The following SORL1 variants were observed in gnomAD, a reference collection of about 807,000 sequenced individuals.
SORL1 encodes the protein sortilin related receptor 1.
Under a neutral mutation model 273.7 loss-of-function variants are expected in SORL1, and 127 were observed. The ratio of observed to expected loss-of-function variants is 0.46; its 90% CI spans 0.40 to 0.54. The LOEUF (loss-of-function observed/expected upper bound fraction) is 0.54, where lower values mean the gene tolerates loss of function less well. SORL1 is among the 20% of genes least tolerant of loss of function. The pLI is 0.00. For missense variants in SORL1, 2,494 were observed against 2,846.1 expected, an observed-to-expected ratio of 0.88 and a Z score of 2.81; for synonymous variants, 1,031 against 1,067.4, an observed-to-expected ratio of 0.97 and a Z score of 0.66.
Position 121,490,954 on chromosome 11 carries a change from AG to A in SORL1, c.758+846del, listed in dbSNP as rs906542925. 5.0e-4 allele frequency among the ~76,000 whole-genome samples: 76 copies of A among 152,182 alleles called. 1 individual carries two copies. Among genetic ancestry groups the A allele is most frequent in the Non-Finnish European group, 1.0e-4 (7 of 68,020 alleles). Reference sequence around the variant, plus strand: ...AGACATAGTATGAGAAGCTAGAGAGAGGATTTATCCTTCCAGATGGGAGGAT... The same window carrying A: ...AGACATAGTATGAGAAGCTAGAGAGAGATTTATCCTTCCAGATGGGAGGAT... On this transcript the variant is annotated intron_variant, in intron 5 of 47. Coordinates refer to ENST00000260197, the MANE Select transcript of SORL1 (RefSeq NM_003105.6).
chr11:121,582,204 A>G (rs939636951), intron 25 of SORL1, among the ~76,000 whole-genome samples: 10 of 152,242 alleles, frequency 6.6e-5, no homozygotes, highest in Admixed American at 6.5e-4. Flanking sequence ...ATTTCTGACC[A>G]TTGCAAAAAA....
intron 6 of SORL1, among the ~76,000 whole-genome samples, chr11:121,509,114 ATTTTTTT>A (rs558402196): frequency 1.4e-5 from 2 of 139,974 alleles, no homozygotes; most frequent in African/African-American, 5.3e-5. Flanking sequence ...TTCATTTATG[ATTTTTTT>A]TTTTTTTTTG....
Position 121,627,557 on chromosome 11 carries a change from G to A in SORL1, c.6367G>A (p.Ala2123Thr). The A allele has an allele frequency of 6.2e-7, 1 of 1,613,954 alleles. No individual in the cohort carries two copies. Among genetic ancestry groups the A allele is most frequent in the Non-Finnish European group, 8.5e-7 (1 of 1,179,888 alleles). The change falls in exon 47 of 48, where the codon GCA becomes ACA. Residue 2123 changes from alanine to threonine, a missense_variant and splice_region_variant. This residue lies in a region of SORL1 where 1,609 missense variants were observed against 1,816.4 expected (regional missense o/e 0.89). Coordinates refer to ENST00000260197, the MANE Select transcript of SORL1 (RefSeq NM_003105.6). The surrounding 1 kb of genome is among the most constrained non-coding windows in gnomAD (Gnocchi z 4.9). ...TGGTGGGAACTTTGCCTTGGCAGGTGCAGATGCATCTGCAACGCAGGCTGC... is the reference window on the plus strand; with the variant it reads ...TGGTGGGAACTTTGCCTTGGCAGGTACAGATGCATCTGCAACGCAGGCTGC... Reference protein sequence around the residue: ...ILLYDELGSGADASATQAARS... With the variant: ...ILLYDELGSGTDASATQAARS...
rs1862498476 is a variant in SORL1 at position 121,550,822 on chromosome 11, G to A, written c.2266+152G>A. ...CACAGGGCTTCCTCTTTTCCCTAAG[G>A]TTGGTTTCCACACTGAACTTGTACA... On this transcript the variant is annotated intron_variant, in intron 16 of 47. Transcript: ENST00000260197. This position sits in a 1 kb window ranked among gnomAD's most constrained non-coding sequence, Gnocchi z 5.3. 3 of 638,230 alleles carry A rather than the reference G, an allele frequency of 4.7e-6. No homozygotes were observed. Among genetic ancestry groups the A allele is most frequent in the South Asian group, 2.0e-5 (1 of 50,206 alleles). 39.5% of individuals were successfully genotyped at this position (638,230 alleles called of 1,614,324 possible). A position where few individuals can be genotyped will look rare whatever the true frequency, so the allele number is the denominator to read the frequency against.
intron 12 of SORL1, among the ~76,000 whole-genome samples, chr11:121,540,800 C>A (rs1405298838): frequency 2.6e-5 from 4 of 152,194 alleles, no homozygotes; most frequent in Non-Finnish European, 5.9e-5. Flanking sequence ...TGGGAACTCT[C>A]AAGAAATGGG....
At chr11:121,574,032 G>A (rs1478223234) in intron 23 of SORL1, among the ~76,000 whole-genome samples, 1 of 152,172 alleles carries the variant, frequency 6.6e-6, no homozygotes, top group Non-Finnish European at 1.5e-5. Context: ...TCTGGAAGCT[G>A]TCCACAGAAA....
At chr11:121,476,220 C>G (rs993037364) in intron 2 of SORL1, among the ~76,000 whole-genome samples, 2 of 152,138 alleles carry the variant, frequency 1.3e-5, no homozygotes, top group Non-Finnish European at 2.9e-5. Context: ...CATTCTTGGC[C>G]GGCAGAATAG....
At chr11:121,516,454 C>T (rs1164690432) in intron 8 of SORL1, among the ~76,000 whole-genome samples, 1 of 151,930 alleles carries the variant, frequency 6.6e-6, no homozygotes, top group Non-Finnish European at 1.5e-5. Context: ...GGGGCAGGGG[C>T]AATATTGGGG....
chr11:121,585,896 CTA>C (rs1863097124), intron 26 of SORL1, among the ~76,000 whole-genome samples: 1 of 152,128 alleles, frequency 6.6e-6, no homozygotes, highest in Admixed American at 6.5e-5. Flanking sequence ...TGTTTTCAAT[CTA>C]TTACACAGTT....
At chr11:121,548,296 GC>G (rs1217656704) in intron 14 of SORL1, among the ~76,000 whole-genome samples, 1 of 152,172 alleles carries the variant, frequency 6.6e-6, no homozygotes, top group African/African-American at 2.4e-5. Flanking sequence ...AAAGAAAGCT[GC>G]CCAGGAAGAG....
chr11:121,622,529 C>CA (rs1223450879), intron 45 of SORL1, among the ~76,000 whole-genome samples: 1 of 152,210 alleles, frequency 6.6e-6, no homozygotes, highest in African/African-American at 2.4e-5. Flanking sequence ...TGAAGAAAGA[C>CA]AAATGGGCTG....
At chr11:121,466,247 G>T (rs1861080510) in intron 1 of SORL1, among the ~76,000 whole-genome samples, 1 of 152,122 alleles carries the variant, frequency 6.6e-6, no homozygotes, top group Non-Finnish European at 1.5e-5. Flanking sequence ...GCACGTCAAG[G>T]TTATGTTCCT....
chr11:121,604,154 C>A (rs1260056721), intron 32 of SORL1, 39 bp from the exon 33 acceptor site: 1 of 1,610,206 alleles, frequency 6.2e-7, no homozygotes, highest in South Asian at 1.1e-5. Context: ...TACCATACGG[C>A]CCCTCCCCGT....
At position 121,612,808 on chromosome 11, in the gene SORL1, C is replaced by T. The variant is rs759988544; in HGVS notation, c.5395C>T (p.Arg1799Ter). The T allele has an allele frequency of 8.1e-6, 13 of 1,613,546 alleles. No homozygotes were observed. Among genetic ancestry groups the T allele is most frequent in the Admixed American group, 1.7e-5 (1 of 59,990 alleles). The stretch of plus-strand genomic sequence containing the variant: ...GCAAGAGAGGAGAACTTTGAACTTC[C>T]GAGGAAGCATATTGTCACACAAAGG... ...HKQERRTLNFRGSILSHKVGN... is the reference protein window; with the variant it reads ...HKQERRTLNF Residue 1799 changes from arginine (R) to a stop codon, truncating the protein, a stop_gained, in exon 40 of 48, where the codon CGA becomes TGA. Coordinates refer to ENST00000260197, the MANE Select transcript of SORL1 (RefSeq NM_003105.6). LOFTEE classifies it high-confidence loss of function.
intron 45 of SORL1, among the ~76,000 whole-genome samples, chr11:121,622,789 T>C (rs1863741774): frequency 6.6e-6 from 1 of 152,240 alleles, no homozygotes; most frequent in African/African-American, 2.4e-5. Context: ...GGTAGGCCAA[T>C]ATGGTATTCA....
At position 121,488,043 on chromosome 11, in the gene SORL1, A is replaced by C. The variant is rs1247012763; in HGVS notation, c.540A>C (p.Ala180=). The C allele has an allele frequency of 1.2e-6, 2 of 1,613,990 alleles. No individual in the cohort carries two copies. Among genetic ancestry groups the C allele is most frequent in the African/African-American group, 2.7e-5 (2 of 74,902 alleles). ...SPADNKRYIF[A]DAYAQYLWIT... ...GTTTTCCCTTGCAGTACATCTTTGC[A>C]GACGCTTATGCCCAGTACCTCTGGA... is the stretch of plus-strand genomic sequence containing the variant. Residue 180 remains alanine, a synonymous_variant, in exon 4 of 48, where the codon GCA becomes GCC. Coordinates refer to ENST00000260197, the MANE Select transcript of SORL1 (RefSeq NM_003105.6).
intron 16 of SORL1, among the ~76,000 whole-genome samples, chr11:121,551,977 A>G (rs1286467461): frequency 1.3e-5 from 2 of 152,224 alleles, no homozygotes; most frequent in African/African-American, 2.4e-5. Context: ...CTACTTTTGT[A>G]ATAAATATTT....
At chr11:121,586,387 C>A in intron 27 of SORL1, 58 bp downstream of exon 27, 11 of 1,263,314 alleles carry the variant, frequency 8.7e-6, no homozygotes, top group Non-Finnish European at 1.3e-5. Flanking sequence ...GAGTGAAGAG[C>A]GTATATTGGA....
rs1460439632 is a variant in SORL1 at position 121,604,244 on chromosome 11, G to C, written c.4571G>C (p.Gly1524Ala). 1.9e-6 allele frequency: 3 copies of C among 1,614,130 alleles called. No homozygotes were observed. The highest frequency in any genetic ancestry group is 2.5e-6 in the Non-Finnish European group (3 of 1,180,024). Reference sequence around the variant, plus strand: ...AGCAGGGAGTTCCAGTGCGAGGACGGGGAGGCCTGCATTGTGCTCTCGGAG... The same window carrying C: ...AGCAGGGAGTTCCAGTGCGAGGACGCGGAGGCCTGCATTGTGCTCTCGGAG... ...CMSREFQCED[G>A]EACIVLSERC... is the part of the protein sequence containing the mutation. The change falls in exon 33 of 48, where the codon GGG becomes GCG. Residue 1524 changes from glycine (G) to alanine (A), a missense_variant. By Grantham distance (60) the Gly-to-Ala change is moderately conservative (BLOSUM62 0). Coordinates refer to ENST00000260197, the MANE Select transcript of SORL1 (RefSeq NM_003105.6).
Sources: allele counts gnomAD v4.1 joint callset (sites outside exome capture counted in the v4.1 genomes callset), GRCh38; gene constraint gnomAD v4.1.1; regional missense constraint gnomAD v4.1.1; non-coding constraint Gnocchi (gnomAD v3.1); transcripts MANE v1.5; gene names NCBI Gene and HGNC (gene_info 2026-07-23, HGNC 2026-07-21).